Variants in ADGRA3 observed in about 807,000 individuals in gnomAD.
The protein encoded by ADGRA3 is adhesion G protein-coupled receptor A3, also known as G-protein coupled receptor 125.
A neutral mutation model predicts 119.8 loss-of-function variants in ADGRA3; 56 were observed. The ratio of observed to expected loss-of-function variants is 0.47; its 90% CI spans 0.38 to 0.58. The LOEUF is 0.58. Among genes scored for constraint, ADGRA3 ranks in the 20% least tolerant of loss-of-function variants. The pLI is 0.00. For synonymous variants in ADGRA3, 607 were observed against 623.8 expected (o/e 0.97, Z 0.40); for missense variants, 1,516 against 1,649.0 (o/e 0.92, Z 1.40).
At chr4:22,416,059 C>T (rs1715418566) in intron 12 of ADGRA3, among the ~76,000 whole-genome samples, 1 of 152,138 alleles carries the variant, frequency 6.6e-6, no homozygotes, top group African/African-American at 2.4e-5. Context: ...GACTTTTATA[C>T]TAACAATGGA....
In ADGRA3 at chr4:22,387,658, T is replaced by C. The variant is rs1375975991; in HGVS notation, c.*47A>G. The C allele has an allele frequency of 1.3e-6, 2 of 1,520,132 alleles. No individual in the cohort carries two copies. Among genetic ancestry groups the C allele is most frequent in the Non-Finnish European group, 1.8e-6 (2 of 1,128,804 alleles). The allele number at this position is 1,520,132 out of a possible 1,614,324, so 94.2% of individuals were successfully genotyped here. A position where few individuals can be genotyped will look rare whatever the true frequency, so the allele number is the denominator to read the frequency against. On this transcript the variant is annotated 3_prime_UTR_variant, in exon 19 of 19. Coordinates refer to ENST00000334304, the MANE Select transcript of ADGRA3 (RefSeq NM_145290.4). ...TAAATGCTCATAGCTTCAAGGAATGTGAGTATCACAGTTTATATGAATTTC... is the reference window on the plus strand; with the variant it reads ...TAAATGCTCATAGCTTCAAGGAATGCGAGTATCACAGTTTATATGAATTTC...
At chr4:22,434,634 G>A (rs1201890081) in intron 10 of ADGRA3, among the ~76,000 whole-genome samples, 4 of 152,102 alleles carry the variant, frequency 2.6e-5, no homozygotes, top group East Asian at 1.9e-4. Context: ...AGCTTTAAAC[G>A]TAAAGTTTAA....
intron 5 of ADGRA3, among the ~76,000 whole-genome samples, chr4:22,446,436 A>G (rs542629261): frequency 1.4e-4 from 22 of 152,270 alleles, no homozygotes; most frequent in African/African-American, 4.8e-4. Flanking sequence ...AGCCCACTAA[A>G]TAAGCCAAAA....
chr4:22,408,419 C>T lies in ADGRA3; in HGVS notation c.2232+4763G>A, dbSNP rs534422155. Among the ~76,000 whole-genome samples the T allele has an allele frequency of 8.5e-5, 13 of 152,064 alleles. No individual in the cohort carries two copies. In the South Asian group the frequency reaches 2.7e-3, roughly 32 times the overall value. ...TCCAACAGGGAGCTCATATTCAGTA[C>T]CCATATTAAGAAGTCCTATAAATAA... On this transcript the variant is annotated intron_variant, in intron 14 of 18. Transcript: ENST00000334304.
At chr4:22,511,180 G>C (rs1719435124) in intron 1 of ADGRA3, among the ~76,000 whole-genome samples, 1 of 152,194 alleles carries the variant, frequency 6.6e-6, no homozygotes, top group South Asian at 2.1e-4. Flanking sequence ...TAGAAAGGCA[G>C]TGATAAATTT....
At position 22,421,022 on chromosome 4, in the gene ADGRA3, G is replaced by T. The variant is rs758478204; in HGVS notation, c.1673C>A (p.Thr558Asn). ...AGAGGCTGCCACTTTCTGGAACACG[G>T]TACAGGTCATCCCCGTGAAGCCAGT... ...KSTGFTGMTCTVFQKVAASDR... is the reference protein window; with the variant it reads ...KSTGFTGMTCNVFQKVAASDR... Residue 558 changes from threonine (T) to asparagine (N), a missense_variant, in exon 12 of 19, where the codon ACC becomes AAC. Thr to Asn is a moderately conservative substitution (Grantham distance 65, BLOSUM62 0). Coordinates refer to ENST00000334304, the MANE Select transcript of ADGRA3 (RefSeq NM_145290.4). The T allele has an allele frequency of 2.5e-6, 4 of 1,613,952 alleles. No homozygotes were observed. In the African/African-American group the frequency reaches 5.3e-5, roughly 22 times the overall value.
chr4:22,490,137 C>T (rs147756587), intron 1 of ADGRA3, among the ~76,000 whole-genome samples: 1 of 152,270 alleles, frequency 6.6e-6, no homozygotes, highest in East Asian at 1.9e-4. Flanking sequence ...ACCTATTTTT[C>T]TGCCTTAGCA....
chr4:22,488,806 T>C (rs754277777), intron 1 of ADGRA3, among the ~76,000 whole-genome samples: 15 of 151,984 alleles, frequency 9.9e-5, no homozygotes, highest in Admixed American at 2.0e-4. Context: ...CAAAAGCCAC[T>C]ACTGGGAAGC....
At position 22,447,508 on chromosome 4, in the gene ADGRA3, G is replaced by T; in HGVS notation, c.477C>A (p.Asn159Lys). ...FRGLTNLVRL[N>K]LSGNLFSSLS... is the part of the protein sequence containing the mutation. ...ATGAAGAAAACAAATTCCCCGAAAG[G>T]TTTCTGAAAGACAGAAAACAATTTC... The change falls in exon 5 of 19, where the codon AAC becomes AAA. Residue 159 changes from asparagine (N) to lysine (K), a missense_variant. Asn to Lys is a moderately conservative substitution (Grantham distance 94). Coordinates refer to ENST00000334304, the MANE Select transcript of ADGRA3 (RefSeq NM_145290.4). The T allele has an allele frequency of 1.3e-6, 2 of 1,548,196 alleles. No homozygotes were observed. Among genetic ancestry groups the T allele is most frequent in the Non-Finnish European group, 8.8e-7 (1 of 1,141,958 alleles).
At position 22,420,976 on chromosome 4, in the gene ADGRA3, A is replaced by T; in HGVS notation, c.1719T>A (p.Asp573Glu). The change falls in exon 12 of 19, where the codon GAT becomes GAA. Residue 573 changes from aspartate (D) to glutamate (E), a missense_variant. Around this residue, in one of 2 missense-constraint regions of ADGRA3, gnomAD observed 1,088 missense variants for 1,107.1 expected, o/e 0.98. Transcript: ENST00000334304. ...VAASDRTGLS[D>E]YGRRDPEGNL... is the part of the protein sequence containing the mutation. ...TTCCCTCTGGATCCCGCCTCCCATA[A>T]TCCGAAAGTCCTGTACGATCAGAGG... 1 of 1,614,032 alleles carries T rather than the reference A, an allele frequency of 6.2e-7. No individual in the cohort carries two copies.
At chr4:22,456,017 C>T (rs1289528901) in intron 3 of ADGRA3, among the ~76,000 whole-genome samples, 1 of 152,166 alleles carries the variant, frequency 6.6e-6, no homozygotes, top group Non-Finnish European at 1.5e-5. Flanking sequence ...CCCTATTATT[C>T]TCTGTCATAG....
chr4:22,398,470 G>GT (rs1714464542), intron 16 of ADGRA3, among the ~76,000 whole-genome samples: 1 of 152,004 alleles, frequency 6.6e-6, no homozygotes, highest in African/African-American at 2.4e-5. Context: ...TCAATAATCT[G>GT]TTATCTAATC....
At chr4:22,447,622 C>A in intron 4 of ADGRA3, 111 bp from the exon 5 acceptor site, 1 of 603,900 alleles carries the variant, frequency 1.7e-6, no homozygotes, top group South Asian at 3.1e-5. Context: ...GTAAAGAACT[C>A]ATGAAAGTTT....
chr4:22,465,166 T>C (rs1304007590), intron 2 of ADGRA3, among the ~76,000 whole-genome samples: 1 of 152,172 alleles, frequency 6.6e-6, no homozygotes, highest in Non-Finnish European at 1.5e-5. Context: ...CTATAATTAT[T>C]GCTATCAATT....
At chr4:22,482,491 TAA>T (rs34275951) in intron 1 of ADGRA3, among the ~76,000 whole-genome samples, 272 of 143,432 alleles carry the variant, frequency 1.9e-3, no homozygotes, top group Non-Finnish European at 2.0e-3. Flanking sequence ...CCCCAACTCT[TAA>T]AAAAAAAAAA....
At chr4:22,461,943 C>T in intron 2 of ADGRA3, 135 bp from the exon 3 acceptor site, 1 of 491,286 alleles carries the variant, frequency 2.0e-6, no homozygotes, top group Non-Finnish European at 3.6e-6. Flanking sequence ...AAGGGTTAAG[C>T]CAAGATCAAC....
intron 14 of ADGRA3, among the ~76,000 whole-genome samples, chr4:22,404,376 A>C (rs1438614056): frequency 6.6e-6 from 1 of 152,182 alleles, no homozygotes; most frequent in Admixed American, 6.5e-5. Flanking sequence ...ACAATTACAG[A>C]TCTAAAAAGA....
intron 16 of ADGRA3, chr4:22,394,235 G>A (rs1479430585): frequency 6.6e-6 from 1 of 152,106 alleles, no homozygotes; most frequent in Non-Finnish European, 1.5e-5. Context: ...TTATTTTAAT[G>A]AGAACCAATC....
intron 1 of ADGRA3, among the ~76,000 whole-genome samples, chr4:22,498,024 T>C (rs1475606219): frequency 6.7e-6 from 1 of 149,574 alleles, no homozygotes; most frequent in East Asian, 2.0e-4. Context: ...GCGGATCATC[T>C]GGGGTCGGGA....
Sources: gnomAD v4.1 joint callset for allele counts (sites outside exome capture counted in the v4.1 genomes callset) on GRCh38, gnomAD v4.1.1 for gene constraint, gnomAD v4.1.1 regional missense constraint, MANE v1.5 for transcripts, NCBI Gene and HGNC (gene_info 2026-07-23, HGNC 2026-07-21) for gene names.